The following GALNT13 variants were observed in gnomAD, a reference collection of about 807,000 sequenced individuals.
GALNT13 encodes polypeptide N-acetylgalactosaminyltransferase 13.
In GALNT13, 28 loss-of-function variants were observed where a neutral mutation model predicts 64.2. That is an observed-to-expected ratio of 0.44 (90% CI 0.32 to 0.60). GALNT13 has a LOEUF of 0.60. GALNT13 is among the 20% of genes least tolerant of loss of function. The pLI is 0.05. For synonymous variants in GALNT13, 214 were observed against 224.6 expected (o/e 0.95, Z 0.42); for missense variants, 577 against 669.8 (o/e 0.86, Z 1.53).
At chr2:153,420,081 C>T in the GALNT13 span, among the ~76,000 whole-genome samples, 2 of 151,804 alleles carry the variant, frequency 1.3e-5, no homozygotes, top group Non-Finnish European at 2.9e-5. Context: ...TATTTTGAAG[C>T]CAAAGCATTA....
chr2:153,508,443 A>C, the GALNT13 span, among the ~76,000 whole-genome samples: 3 of 152,068 alleles, frequency 2.0e-5, no homozygotes, highest in Admixed American at 6.5e-5. Flanking sequence ...TTATGTTCCC[A>C]CGTGGAGTAT....
At chr2:153,170,192 G>A in the GALNT13 span, among the ~76,000 whole-genome samples, 1 of 152,136 alleles carries the variant, frequency 6.6e-6, no homozygotes, top group African/African-American at 2.4e-5. Context: ...AACAATAGAG[G>A]TAACAAAATA....
chr2:153,595,710 T>G, the GALNT13 span, among the ~76,000 whole-genome samples: 64,628 of 151,782 alleles, frequency 0.43, 14,426 homozygotes, highest in South Asian at 0.61. Flanking sequence ...TTTTAAAAAG[T>G]CCATTGAAAA....
the GALNT13 span, among the ~76,000 whole-genome samples, chr2:153,383,360 G>T: frequency 6.6e-6 from 1 of 152,044 alleles, no homozygotes; most frequent in Admixed American, 6.6e-5. Flanking sequence ...ACAGACACAT[G>T]TAATGGATCA....
chr2:153,726,554 A>G, the GALNT13 span, among the ~76,000 whole-genome samples: 1 of 152,176 alleles, frequency 6.6e-6, no homozygotes, highest in Admixed American at 6.6e-5. Context: ...CTAAACTTCT[A>G]CCTGCTTATT....
chr2:154,037,636 A>G (rs1698737706), intron 3 of GALNT13, among the ~76,000 whole-genome samples: 1 of 152,218 alleles, frequency 6.6e-6, no homozygotes, highest in South Asian at 2.1e-4. Context: ...AACTCTTGGA[A>G]CTGATAAATG....
At chr2:154,250,510 T>A (rs1293452733) in intron 7 of GALNT13, among the ~76,000 whole-genome samples, 1 of 152,082 alleles carries the variant, frequency 6.6e-6, no homozygotes, top group Non-Finnish European at 1.5e-5. Flanking sequence ...CTTCACCTAG[T>A]GTTTGCATAC....
intron 4 of GALNT13, among the ~76,000 whole-genome samples, chr2:154,153,857 G>T (rs990660027): frequency 6.6e-6 from 1 of 152,254 alleles, no homozygotes; most frequent in African/African-American, 2.4e-5. Context: ...GACTAGGAAA[G>T]GGAACTCCCT....
At chr2:153,123,268 A>T in the GALNT13 span, among the ~76,000 whole-genome samples, 8 of 152,108 alleles carry the variant, frequency 5.3e-5, no homozygotes, top group Non-Finnish European at 8.8e-5. Context: ...CCCTCAAGAG[A>T]TTGCCGACCT....
intron 7 of GALNT13, among the ~76,000 whole-genome samples, chr2:154,246,568 G>A (rs1329104734): frequency 1.3e-5 from 2 of 152,020 alleles, no homozygotes; most frequent in Admixed American, 1.3e-4. Context: ...CGAATTGTCT[G>A]TATAAGCATT....
At chr2:154,182,769 A>G (rs574058895) in intron 4 of GALNT13, among the ~76,000 whole-genome samples, 5 of 151,822 alleles carry the variant, frequency 3.3e-5, no homozygotes, top group South Asian at 2.1e-4. Context: ...TAGGCCTGGC[A>G]CAGTGACTCA....
chr2:154,417,489 TTTTATTTATTTA>T (rs59851032), intron 11 of GALNT13, among the ~76,000 whole-genome samples: 2 of 132,320 alleles, frequency 1.5e-5, no homozygotes, highest in Admixed American at 1.6e-4. Context: ...CTTGCCATGC[TTTTATTTATTTA>T]TTTATTTATT....
At chr2:153,801,193 G>A in the GALNT13 span, among the ~76,000 whole-genome samples, 1 of 152,098 alleles carries the variant, frequency 6.6e-6, no homozygotes, top group African/African-American at 2.4e-5. Context: ...TAGCAAAAAG[G>A]CTGTTTTGCT....
the GALNT13 span, among the ~76,000 whole-genome samples, chr2:153,197,125 G>A: frequency 1.3e-5 from 2 of 152,340 alleles, no homozygotes; most frequent in Middle Eastern, 3.4e-3. Context: ...TCCCCAGAAG[G>A]AATGTCCAGA....
At chr2:154,401,939 T>C (rs1477849445) in intron 10 of GALNT13, among the ~76,000 whole-genome samples, 1 of 152,148 alleles carries the variant, frequency 6.6e-6, no homozygotes, top group African/African-American at 2.4e-5. Context: ...ATCTTTCTGA[T>C]TTATTCACAA....
the GALNT13 span, among the ~76,000 whole-genome samples, chr2:153,639,471 C>G: frequency 1.3e-5 from 2 of 152,026 alleles, no homozygotes; most frequent in Admixed American, 6.6e-5. Context: ...ATTTGAAAGA[C>G]CATGTACATG....
chr2:153,258,648 G>GT, the GALNT13 span, among the ~76,000 whole-genome samples: 1,009 of 151,458 alleles, frequency 6.7e-3, 13 homozygotes, highest in East Asian at 0.044. Flanking sequence ...GATTTAATAT[G>GT]TTTTTTTTCC....
the GALNT13 span, among the ~76,000 whole-genome samples, chr2:153,498,397 T>C: frequency 6.6e-6 from 1 of 152,212 alleles, no homozygotes; most frequent in Non-Finnish European, 1.5e-5. Context: ...GCTAACGCTA[T>C]TGGCCCAGAT....
rs569752117 is a variant in GALNT13, at chr2:153,965,821, A to G, written c.142+21182A>G. Among the ~76,000 whole-genome samples, 1,226 of 151,356 alleles carry G rather than the reference A, an allele frequency of 8.1e-3. 17 individuals carry two copies. The highest frequency in any genetic ancestry group is 0.028 in the African/African-American group (1,165 of 41,296). On this transcript the variant is annotated intron_variant, in intron 3 of 12. Coordinates refer to ENST00000392825, the MANE Select transcript of GALNT13 (RefSeq NM_052917.4). ...TAAGCAAAAAAAAAACCCAAAAACT[A>G]AAAAACTCTACATTTTCATTCCATC...
Sources: gnomAD v4.1 joint callset for allele counts (sites outside exome capture counted in the v4.1 genomes callset) on GRCh38, gnomAD v4.1.1 for gene constraint, MANE v1.5 for transcripts, NCBI Gene and HGNC (gene_info 2026-07-23, HGNC 2026-07-21) for gene names.